GALNT11: variants seen among roughly 807,000 people sequenced by gnomAD.
GALNT11 encodes the protein UDP-GalNAc:polypeptide N-acetylgalactosaminyltransferase 11.
A neutral mutation model predicts 72.7 loss-of-function variants in GALNT11; 47 were observed. The observed-to-expected ratio is 0.65, with a 90% CI of 0.51 to 0.82. GALNT11 has a LOEUF of 0.82. Ranked by LOEUF, GALNT11 falls within the 40% of genes least tolerant of loss-of-function variation. The probability of loss-of-function intolerance (pLI) is 0.00; values close to 1 mark genes in which losing one functional copy is unlikely to be tolerated. For synonymous variants in GALNT11, 270 were observed against 286.6 expected, an observed-to-expected ratio of 0.94 and a Z score of 0.58; for missense variants, 677 against 778.4, an observed-to-expected ratio of 0.87 and a Z score of 1.55.
intron 1 of GALNT11, among the ~76,000 whole-genome samples, chr7:152,076,478 CA>C: frequency 6.6e-6 from 1 of 152,288 alleles, no homozygotes; most frequent in Middle Eastern, 3.4e-3. Flanking sequence ...CCGCTGTGGA[CA>C]AATGAAGCTT....
Position 152,100,900 on chromosome 7 carries a change from T to G in GALNT11, c.398T>G (p.Val133Gly), listed in dbSNP as rs2086824148. Reference sequence around the variant, plus strand: ...GACCGCTTGGGCTACCACAGAGATGTGCCAGACACAAGGAATGCAGCGTAT... The same window carrying G: ...GACCGCTTGGGCTACCACAGAGATGGGCCAGACACAAGGAATGCAGCGTAT... ...ISDRLGYHRD[V>G]PDTRNAACKE... Residue 133 changes from valine (V) to glycine (G), a missense_variant, in exon 3 of 12, where the codon GTG (valine) becomes GGG (glycine). Val to Gly is a moderately radical substitution (Grantham distance 109). Transcript: ENST00000430044. 1 of 1,613,946 alleles carries G rather than the reference T, an allele frequency of 6.2e-7. No individual in the cohort carries two copies. Among genetic ancestry groups the G allele is most frequent in the Non-Finnish European group, 8.5e-7 (1 of 1,179,910 alleles).
In GALNT11 at chr7:152,108,281, C is replaced by T. The variant is rs774994840; in HGVS notation, c.956C>T (p.Pro319Leu). ...GGACGAGCGGAGGGAGCCACTGCAC[C>T]AATAAAGTAAGATCGCTCCTTTGTT... ...ELGRAEGATA[P>L]IKSPTMAGGL... The change falls in exon 6 of 12, where the codon CCA becomes CTA. Residue 319 changes from proline (P) to leucine (L), a missense_variant. Transcript: ENST00000430044. 33 of 1,606,038 alleles carry T rather than the reference C, an allele frequency of 2.1e-5. No homozygotes were observed. The highest frequency in any genetic ancestry group is 2.6e-5 in the Non-Finnish European group (30 of 1,173,400).
At chr7:152,058,969 T>C (rs1000126626) in intron 1 of GALNT11, among the ~76,000 whole-genome samples, 1 of 151,054 alleles carries the variant, frequency 6.6e-6, no homozygotes, top group Non-Finnish European at 1.5e-5. Flanking sequence ...CACTGAAGTC[T>C]TGAACCTGTC....
At chr7:152,038,762 C>G (rs2082708437) in intron 1 of GALNT11, among the ~76,000 whole-genome samples, 1 of 152,190 alleles carries the variant, frequency 6.6e-6, no homozygotes, top group Non-Finnish European at 1.5e-5. Flanking sequence ...CACAGAGCTT[C>G]CAAGTGTTTT....
At position 152,121,073 on chromosome 7, in the gene GALNT11, A is replaced by T. The variant is rs1394343306; in HGVS notation, c.1695+105A>T. ...TTTCTACCTTGGGGGTGGTCTTCTC[A>T]GTCTGCAGTACAGTGGTCCCCCCAG... On this transcript the variant is annotated intron_variant, in intron 11 of 11. Transcript: ENST00000430044. The T allele has an allele frequency of 2.9e-6, 4 of 1,378,498 alleles. No homozygotes were observed. The Admixed American group carries it at 1.0e-4, about 35-fold the overall frequency. The allele number at this position is 1,378,498 out of a possible 1,614,324, so 85.4% of individuals were successfully genotyped here. A position where few individuals can be genotyped will look rare whatever the true frequency, so the allele number is the denominator to read the frequency against.
intron 1 of GALNT11, among the ~76,000 whole-genome samples, chr7:152,035,511 T>G (rs1226234860): frequency 6.6e-6 from 1 of 150,566 alleles, no homozygotes; most frequent in Non-Finnish European, 1.5e-5. Flanking sequence ...GTCAACCAAC[T>G]TGTTGTCAGG....
At chr7:152,110,076 T>C (rs543263341) in intron 6 of GALNT11, among the ~76,000 whole-genome samples, 1 of 152,290 alleles carries the variant, frequency 6.6e-6, no homozygotes, top group South Asian at 2.1e-4. Context: ...CTAAAAATGC[T>C]CCCAACATTA....
At chr7:152,119,204 A>G (rs2089191953) in intron 10 of GALNT11, 1 of 152,780 alleles carries the variant, frequency 6.5e-6, no homozygotes, top group African/African-American at 2.4e-5. Flanking sequence ...TTTGTTAGAA[A>G]TGGCCAAGGG....
chr7:152,033,091 C>T (rs914651904), intron 1 of GALNT11, among the ~76,000 whole-genome samples: 8 of 152,260 alleles, frequency 5.3e-5, no homozygotes, highest in Non-Finnish European at 1.0e-4. Context: ...CATGAGCTGG[C>T]GCTTGCCCGA....
At chr7:152,066,205 G>A (rs1366718993) in intron 1 of GALNT11, among the ~76,000 whole-genome samples, 3 of 152,252 alleles carry the variant, frequency 2.0e-5, no homozygotes, top group African/African-American at 4.8e-5. Context: ...TTAGCAATGA[G>A]CAAGGCTCCG....
intron 1 of GALNT11, among the ~76,000 whole-genome samples, chr7:152,028,529 C>G (rs2082150178): frequency 6.6e-6 from 1 of 151,996 alleles, no homozygotes; most frequent in Non-Finnish European, 1.5e-5. Context: ...AGTCCCCTAC[C>G]CGATTAGCTA....
At chr7:152,070,652 G>T (rs1047264705) in intron 1 of GALNT11, among the ~76,000 whole-genome samples, 3 of 151,932 alleles carry the variant, frequency 2.0e-5, no homozygotes, top group Non-Finnish European at 4.4e-5. Context: ...AATTATATTG[G>T]GTCTACCCAC....
intron 1 of GALNT11, among the ~76,000 whole-genome samples, chr7:152,080,990 C>CA (rs1024505494): frequency 5.3e-5 from 8 of 151,626 alleles, no homozygotes; most frequent in Non-Finnish European, 8.8e-5. Flanking sequence ...AAAAAACAAA[C>CA]AAAAAAAACC....
At chr7:152,046,846 G>T (rs1016110139) in intron 1 of GALNT11, among the ~76,000 whole-genome samples, 8 of 151,824 alleles carry the variant, frequency 5.3e-5, no homozygotes, top group African/African-American at 1.7e-4. Flanking sequence ...TTGTTTTCTG[G>T]TTGTTTTGTG....
chr7:152,058,011 T>C (rs10233566), intron 1 of GALNT11, among the ~76,000 whole-genome samples: 4,966 of 152,242 alleles, frequency 0.033, 270 homozygotes, highest in African/African-American at 0.11. Context: ...TACAGGCATA[T>C]GCTGGTGATA....
At chr7:152,078,060 G>C (rs2085087298) in intron 1 of GALNT11, among the ~76,000 whole-genome samples, 1 of 151,900 alleles carries the variant, frequency 6.6e-6, no homozygotes, top group African/African-American at 2.4e-5. Flanking sequence ...GAGCCCCCGA[G>C]AGATCAGAAG....
intron 5 of GALNT11, among the ~76,000 whole-genome samples, chr7:152,105,808 A>G (rs1170723092): frequency 2.6e-5 from 4 of 152,230 alleles, no homozygotes; most frequent in African/African-American, 9.6e-5. Context: ...ACACATCATG[A>G]CTTTAATTGG....
Position 152,113,542 on chromosome 7 carries a change from C to G in GALNT11, c.1233+144C>G. The G allele has an allele frequency of 4.6e-6, 4 of 868,878 alleles. No individual in the cohort carries two copies. The South Asian group carries it at 7.5e-5, about 16-fold the overall frequency. The allele number at this position is 868,878 out of a possible 1,614,324, so 53.8% of individuals were successfully genotyped here. On this transcript the variant is annotated intron_variant, in intron 8 of 11. Transcript: ENST00000430044. ...AGGGCCAACTCTTTCTAGTTTCCCC[C>G]CACCCCCTTCACCTAGTACTTCACT... is the stretch of plus-strand genomic sequence containing the variant.
At chr7:152,059,618 C>T (rs2083890662) in intron 1 of GALNT11, among the ~76,000 whole-genome samples, 1 of 152,164 alleles carries the variant, frequency 6.6e-6, no homozygotes, top group Non-Finnish European at 1.5e-5. Flanking sequence ...CATTTATCTC[C>T]TTGTATATAT....
Sources: gnomAD v4.1 joint callset for allele counts (sites outside exome capture counted in the v4.1 genomes callset) on GRCh38, gnomAD v4.1.1 for gene constraint, MANE v1.5 for transcripts, NCBI Gene and HGNC (gene_info 2026-07-23, HGNC 2026-07-21) for gene names.